The following TENM2 variants were observed in gnomAD, a reference collection of about 807,000 sequenced individuals.
TENM2 encodes teneurin transmembrane protein 2, also known as teneurin-2.
TENM2 carries 52 observed loss-of-function variants against 245.2 expected under a neutral mutation model. The ratio of observed to expected loss-of-function variants is 0.21; its 90% CI spans 0.17 to 0.27. The LOEUF (loss-of-function observed/expected upper bound fraction) is 0.27. Among genes scored for constraint, TENM2 ranks in the 10% least tolerant of loss-of-function variants. The pLI is 1.00. For synonymous variants in TENM2, 1,363 were observed against 1,438.9 expected, an observed-to-expected ratio of 0.95 and a Z score of 1.19; for missense variants, 3,046 against 3,666.8, an observed-to-expected ratio of 0.83 and a Z score of 4.37.
chr5:167,827,175 G>A (rs763830821), intron 2 of TENM2, among the ~76,000 whole-genome samples: 1 of 152,286 alleles, frequency 6.6e-6, no homozygotes, highest in Admixed American at 6.5e-5. Flanking sequence ...AAGGTGGTTC[G>A]GAATAACCGG....
chr5:167,688,349 T>C (rs1171749072), intron 2 of TENM2, among the ~76,000 whole-genome samples: 1 of 152,216 alleles, frequency 6.6e-6, no homozygotes, highest in African/African-American at 2.4e-5. Flanking sequence ...TTTTTATGAT[T>C]CTCCTTGTGA....
the TENM2 span, among the ~76,000 whole-genome samples, chr5:167,189,220 C>T: frequency 1.3e-5 from 2 of 152,098 alleles, no homozygotes; most frequent in Non-Finnish European, 2.9e-5. Flanking sequence ...TTTTAAACTA[C>T]TGTAGTTATA....
chr5:167,465,503 T>A (rs1448110116), intron 2 of TENM2, among the ~76,000 whole-genome samples: 1 of 152,182 alleles, frequency 6.6e-6, no homozygotes, highest in Non-Finnish European at 1.5e-5. Context: ...GTATTATTAA[T>A]CTGATTTGAC....
intron 3 of TENM2, among the ~76,000 whole-genome samples, chr5:167,881,836 A>AT (rs1758995646): frequency 6.6e-6 from 1 of 152,178 alleles, no homozygotes; most frequent in Non-Finnish European, 1.5e-5. Context: ...GACTTGGGCT[A>AT]TCAGCTCATG....
the TENM2 span, among the ~76,000 whole-genome samples, chr5:167,096,056 G>A: frequency 2.2e-4 from 34 of 152,270 alleles, no homozygotes; most frequent in Non-Finnish European, 4.3e-4. Context: ...ACAGGCATGA[G>A]CCACCACGCC....
the TENM2 span, among the ~76,000 whole-genome samples, chr5:167,147,182 C>A: frequency 4.6e-5 from 7 of 152,192 alleles, no homozygotes; most frequent in African/African-American, 1.7e-4. Flanking sequence ...AAGATTAGAT[C>A]GTATAGGGAA....
At chr5:167,933,470 G>C (rs1441945962) in intron 3 of TENM2, among the ~76,000 whole-genome samples, 1 of 151,990 alleles carries the variant, frequency 6.6e-6, no homozygotes, top group Non-Finnish European at 1.5e-5. Context: ...TCTCTTAATA[G>C]GTTTTCAGTC....
chr5:167,084,358 TATATATATAC>T, the TENM2 span, among the ~76,000 whole-genome samples: 2 of 113,754 alleles, frequency 1.8e-5, no homozygotes, highest in South Asian at 2.7e-4. Flanking sequence ...TATATATATA[TATATATATAC>T]AGATCAGATT....
At chr5:168,037,176 TA>T (rs565546857) in intron 5 of TENM2, among the ~76,000 whole-genome samples, 102 of 152,346 alleles carry the variant, frequency 6.7e-4, no homozygotes, top group African/African-American at 2.4e-3. Flanking sequence ...GACTTTTTTT[TA>T]TTTCTGAGTT....
chr5:168,246,863 C>A, exon 27 of TENM2: 1 of 1,614,020 alleles, frequency 6.2e-7, no homozygotes, highest in Non-Finnish European at 8.5e-7. Context: ...CACAGCATGT[C>A]CACACACACC....
At chr5:167,036,446 C>T in the TENM2 span, among the ~76,000 whole-genome samples, 1 of 152,128 alleles carries the variant, frequency 6.6e-6, no homozygotes, top group East Asian at 1.9e-4. Flanking sequence ...ATAAATTATC[C>T]TCTTCAAAAT....
the TENM2 span, among the ~76,000 whole-genome samples, chr5:167,096,850 A>G: frequency 6.6e-6 from 1 of 152,330 alleles, no homozygotes; most frequent in Non-Finnish European, 1.5e-5. Flanking sequence ...TGTCATTTTT[A>G]AACGAAAGTC....
intron 6 of TENM2, among the ~76,000 whole-genome samples, chr5:168,059,264 C>G (rs1278474019): frequency 6.6e-6 from 1 of 152,180 alleles, no homozygotes; most frequent in Non-Finnish European, 1.5e-5. Context: ...GAGACAAGTT[C>G]CCTTGCACAT....
At chr5:167,974,944 C>T (rs943456771) in intron 4 of TENM2, among the ~76,000 whole-genome samples, 1 of 152,168 alleles carries the variant, frequency 6.6e-6, no homozygotes, top group Non-Finnish European at 1.5e-5. Context: ...AATTTCTTGT[C>T]AAGCAAAACT....
intron 2 of TENM2, among the ~76,000 whole-genome samples, chr5:167,613,373 A>C (rs571593659): frequency 6.6e-6 from 1 of 152,236 alleles, no homozygotes; most frequent in South Asian, 2.1e-4. Flanking sequence ...TAATTCTCCA[A>C]CTATGCTGTG....
chr5:167,162,625 TAA>T, the TENM2 span, among the ~76,000 whole-genome samples: 956 of 120,010 alleles, frequency 8.0e-3, 11 homozygotes, highest in African/African-American at 0.029. Flanking sequence ...AGACTGTATC[TAA>T]AAAAAAAAAA....
the TENM2 span, among the ~76,000 whole-genome samples, chr5:167,222,824 G>T: frequency 2.0e-5 from 3 of 152,092 alleles, no homozygotes; most frequent in African/African-American, 7.2e-5. Flanking sequence ...TGCAAAAGCT[G>T]CTTCAAATTT....
the TENM2 span, among the ~76,000 whole-genome samples, chr5:167,051,004 C>T: frequency 1.2e-3 from 187 of 152,262 alleles, 1 homozygote; most frequent in African/African-American, 4.3e-3. Context: ...TCTATGAATT[C>T]GCAACTGGCA....
At chr5:167,173,064 A>C in the TENM2 span, among the ~76,000 whole-genome samples, 1 of 152,192 alleles carries the variant, frequency 6.6e-6, no homozygotes, top group African/African-American at 2.4e-5. Flanking sequence ...AACTGTCTGA[A>C]TAGAATTCCT....
Sources: allele counts gnomAD v4.1 joint callset (sites outside exome capture counted in the v4.1 genomes callset), GRCh38; gene constraint gnomAD v4.1.1; transcripts MANE v1.5; gene names NCBI Gene and HGNC (gene_info 2026-07-23, HGNC 2026-07-21).